Variants in NLGN4Y observed in about 807,000 individuals in gnomAD.
The protein encoded by NLGN4Y is neuroligin 4 Y-linked, also known as neuroligin-4, Y-linked.
Under a neutral mutation model 8.4 loss-of-function variants are expected in NLGN4Y, and 4 were observed. That is an observed-to-expected ratio of 0.48 (90% CI 0.23 to 1.09). The LOEUF is 1.09. NLGN4Y is among the 50% of genes least tolerant of loss of function. NLGN4Y has a pLI of 0.19. For synonymous variants in NLGN4Y, 35 were observed against 75.6 expected (o/e 0.46, Z 2.78); for missense variants, 90 against 192.3 (o/e 0.47, Z 3.15).
Position 14,628,042 on chromosome Y carries a change from T to C in NLGN4Y, c.472+5451T>C. 9.4e-5 allele frequency among the ~76,000 whole-genome samples: 3 copies of C among 31,764 alleles called. No individual in the cohort carries two copies. The East Asian group carries it at 2.5e-3, about 27-fold the overall frequency. The allele number at this position is 31,764 out of a possible 37,273, so 85.2% of individuals were successfully genotyped here. A position where few individuals can be genotyped will look rare whatever the true frequency, so the allele number is the denominator to read the frequency against. ...CTTGAACCTGAGAGGCAGAGGGAGG[T>C]TGCAGTGACCCAAGATTACACCACT... On this transcript the variant is annotated intron_variant, in intron 2 of 6. Coordinates refer to ENST00000684976, the MANE Select transcript of NLGN4Y (RefSeq NM_001365588.1).
chrY:14,548,480 A>C, intron 1 of NLGN4Y, among the ~76,000 whole-genome samples: 1 of 33,544 alleles, frequency 3.0e-5, no homozygotes, highest in African/African-American at 1.2e-4. Context: ...ACACAAAACA[A>C]AACACAAAAC....
chrY:14,692,517 C>G (rs2080814115), intron 2 of NLGN4Y, among the ~76,000 whole-genome samples: 1 of 32,843 alleles, frequency 3.0e-5, no homozygotes, highest in Non-Finnish European at 7.5e-5. Flanking sequence ...AATTCCTTTT[C>G]TCATGATGAG....
chrY:14,832,334 G>C, intron 6 of NLGN4Y, among the ~76,000 whole-genome samples: 1 of 34,581 alleles, frequency 2.9e-5, no homozygotes, highest in South Asian at 6.3e-4. Context: ...AGACTGTGTA[G>C]ATTTGGTCTG....
chrY:14,608,544 T>C, intron 1 of NLGN4Y, among the ~76,000 whole-genome samples: 1 of 32,566 alleles, frequency 3.1e-5, no homozygotes, highest in Non-Finnish European at 7.5e-5. Context: ...AGGCCTCTGT[T>C]CTGTTCCATT....
intron 4 of NLGN4Y, among the ~76,000 whole-genome samples, chrY:14,769,857 G>T (rs2081102195): frequency 3.0e-5 from 1 of 33,157 alleles, no homozygotes; most frequent in Non-Finnish European, 7.4e-5. Flanking sequence ...GCTGTGGCTT[G>T]GTGTGGGGAG....
chrY:14,589,291 G>A, intron 1 of NLGN4Y, among the ~76,000 whole-genome samples: 1 of 33,250 alleles, frequency 3.0e-5, no homozygotes, highest in Non-Finnish European at 7.4e-5. Context: ...GGTTCTCCAA[G>A]GCCCCACCAG....
intron 6 of NLGN4Y, among the ~76,000 whole-genome samples, chrY:14,831,544 A>G (rs2043179095): frequency 3.4e-5 from 1 of 29,627 alleles, no homozygotes; most frequent in Non-Finnish European, 7.9e-5. Context: ...ATATATTTGC[A>G]TTTGTATATA....
At chrY:14,649,331 G>A in intron 2 of NLGN4Y, among the ~76,000 whole-genome samples, 1 of 33,300 alleles carries the variant, frequency 3.0e-5, no homozygotes, top group African/African-American at 1.2e-4. Flanking sequence ...TTAAAGTTTT[G>A]GAGCAAATAC....
At chrY:14,741,989 A>C (rs760839258) in intron 4 of NLGN4Y, among the ~76,000 whole-genome samples, 62 of 34,146 alleles carry the variant, frequency 1.8e-3, no homozygotes, top group African/African-American at 5.1e-3. Flanking sequence ...TGTTTGAATA[A>C]AATTGTTTTC....
chrY:14,587,132 A>G (rs1603500483), intron 1 of NLGN4Y, among the ~76,000 whole-genome samples: 1 of 33,821 alleles, frequency 3.0e-5, no homozygotes, highest in East Asian at 7.8e-4. Context: ...ACTCTGGGTT[A>G]AATATTTCGT....
intron 4 of NLGN4Y, among the ~76,000 whole-genome samples, chrY:14,779,322 G>C: frequency 3.0e-5 from 1 of 33,539 alleles, no homozygotes. Context: ...CAGGGACCTT[G>C]TGTTACTTAT....
At chrY:14,636,087 T>G (rs2080564596) in intron 2 of NLGN4Y, among the ~76,000 whole-genome samples, 1 of 33,425 alleles carries the variant, frequency 3.0e-5, no homozygotes, top group South Asian at 6.6e-4. Context: ...AAAGGAGAGA[T>G]AAAACTATGA....
chrY:14,791,760 C>T, intron 4 of NLGN4Y, among the ~76,000 whole-genome samples: 1 of 33,195 alleles, frequency 3.0e-5, no homozygotes, highest in Non-Finnish European at 7.4e-5. Context: ...CAAACACACA[C>T]TCAACATCAT....
At chrY:14,669,811 C>T in intron 2 of NLGN4Y, among the ~76,000 whole-genome samples, 1 of 33,925 alleles carries the variant, frequency 2.9e-5, no homozygotes, top group Admixed American at 2.7e-4. Flanking sequence ...CAGAGCAGTG[C>T]CATGCCTGTG....
chrY:14,559,640 C>T (rs761165798), intron 1 of NLGN4Y, among the ~76,000 whole-genome samples: 1 of 32,865 alleles, frequency 3.0e-5, no homozygotes, highest in Non-Finnish European at 7.5e-5. Context: ...TATAGTGAGG[C>T]ATGTCCAATC....
intron 2 of NLGN4Y, among the ~76,000 whole-genome samples, chrY:14,654,952 A>G (rs2080644304): frequency 3.0e-5 from 1 of 33,358 alleles, no homozygotes; most frequent in Non-Finnish European, 7.4e-5. Context: ...TTGCAGAAAT[A>G]CGTTGTTTCA....
chrY:14,690,742 G>A (rs747262913), intron 2 of NLGN4Y, among the ~76,000 whole-genome samples: 1 of 32,250 alleles, frequency 3.1e-5, no homozygotes, highest in East Asian at 8.4e-4. Flanking sequence ...TAAGGCAATC[G>A]CTACCACAGG....
intron 4 of NLGN4Y, among the ~76,000 whole-genome samples, chrY:14,728,281 C>T: frequency 3.0e-5 from 1 of 33,712 alleles, no homozygotes; most frequent in Non-Finnish European, 7.4e-5. Flanking sequence ...TTGTGGAAAA[C>T]TCTTTGTCTG....
chrY:14,795,208 A>G (rs766207192), intron 4 of NLGN4Y, among the ~76,000 whole-genome samples: 36 of 33,911 alleles, frequency 1.1e-3, no homozygotes, highest in African/African-American at 3.8e-3. Context: ...ATCATTATGT[A>G]TAATATTTGG....
Sources: allele counts gnomAD v4.1 joint callset (sites outside exome capture counted in the v4.1 genomes callset), GRCh38; gene constraint gnomAD v4.1.1; transcripts MANE v1.5; gene names NCBI Gene and HGNC (gene_info 2026-07-23, HGNC 2026-07-21).